Variants in GPR176 observed in about 807,000 individuals in gnomAD.
GPR176 encodes the protein G protein-coupled receptor 176.
Under a neutral mutation model 35.4 loss-of-function variants are expected in GPR176, and 26 were observed. The ratio of observed to expected loss-of-function variants is 0.74; its 90% CI spans 0.54 to 1.02. The LOEUF is 1.02. Among genes scored for constraint, GPR176 ranks in the 50% least tolerant of loss-of-function variants. The pLI, the probability that GPR176 is intolerant of heterozygous loss-of-function variation, is 0.00. For missense variants in GPR176, 597 were observed against 665.3 expected, an observed-to-expected ratio of 0.90 and a Z score of 1.13; for synonymous variants, 278 against 271.3, an observed-to-expected ratio of 1.02 and a Z score of -0.24.
At chr15:39,823,948 C>T (rs1900447898) in intron 1 of GPR176, among the ~76,000 whole-genome samples, 1 of 152,172 alleles carries the variant, frequency 6.6e-6, no homozygotes. Flanking sequence ...GATGCATGTC[C>T]TCTCCAAATC....
In GPR176 at chr15:39,837,992, T is replaced by C. The variant is rs1901509139; in HGVS notation, c.173-30734A>G. On this transcript the variant is annotated intron_variant, in intron 1 of 2. Coordinates refer to ENST00000561100, the MANE Select transcript of GPR176 (RefSeq NM_007223.3). ...CATACCAACACCCCAACTCCATTAA[T>C]TAAAAAAAAAAAAAAAAAAAAGTCA... is the stretch of plus-strand genomic sequence containing the variant. Among the ~76,000 whole-genome samples, 4 of 92,244 alleles carry C rather than the reference T, an allele frequency of 4.3e-5. No individual in the cohort carries two copies. In the South Asian group the frequency reaches 1.4e-3, roughly 33 times the overall value. 60.5% of individuals were successfully genotyped at this position (92,244 alleles called of 152,430 possible). A position where few individuals can be genotyped will look rare whatever the true frequency, so the allele number is the denominator to read the frequency against.
chr15:39,844,078 A>T (rs907139239), intron 1 of GPR176, among the ~76,000 whole-genome samples: 4 of 152,178 alleles, frequency 2.6e-5, no homozygotes, highest in Middle Eastern at 3.2e-3. Flanking sequence ...GAATAATATA[A>T]AATAAAACTC....
chr15:39,870,360 T>G (rs1008279747), intron 1 of GPR176, among the ~76,000 whole-genome samples: 6 of 152,282 alleles, frequency 3.9e-5, no homozygotes, highest in Middle Eastern at 6.8e-3. Context: ...GGGGGCCTAC[T>G]ACAGGGGGGC....
intron 1 of GPR176, among the ~76,000 whole-genome samples, chr15:39,821,651 G>A (rs1900280208): frequency 6.6e-6 from 1 of 152,118 alleles, no homozygotes; most frequent in Non-Finnish European, 1.5e-5. Flanking sequence ...TTTGTAATAG[G>A]GGTAAGAAGG....
At chr15:39,893,776 G>C (rs563349930) in intron 1 of GPR176, among the ~76,000 whole-genome samples, 19 of 125,182 alleles carry the variant, frequency 1.5e-4, no homozygotes, top group Non-Finnish European at 3.2e-4. Context: ...CTGGCCAGGC[G>C]GGGGCTGACC....
chr15:39,912,483 G>C (rs1288427442), intron 1 of GPR176, among the ~76,000 whole-genome samples: 1 of 151,890 alleles, frequency 6.6e-6, no homozygotes, highest in Non-Finnish European at 1.5e-5. Flanking sequence ...TCCAGGTGTG[G>C]TGGCATGCGC....
At chr15:39,862,737 G>T (rs275746) in intron 1 of GPR176, among the ~76,000 whole-genome samples, 1 of 152,004 alleles carries the variant, frequency 6.6e-6, no homozygotes, top group East Asian at 1.9e-4. Flanking sequence ...AAGTATAACA[G>T]GTACAATTAT....
intron 1 of GPR176, among the ~76,000 whole-genome samples, chr15:39,900,567 A>C (rs2033247880): frequency 6.6e-6 from 1 of 152,242 alleles, no homozygotes; most frequent in African/African-American, 2.4e-5. Context: ...TATTCTAACA[A>C]GAGATTTGCA....
chr15:39,815,158 C>T (rs767033531), intron 1 of GPR176, among the ~76,000 whole-genome samples: 5 of 152,078 alleles, frequency 3.3e-5, no homozygotes, highest in Non-Finnish European at 7.4e-5. Flanking sequence ...AGAGGTTTGG[C>T]CAGAGGAAAA....
At chr15:39,902,463 T>C (rs532574722) in intron 1 of GPR176, among the ~76,000 whole-genome samples, 1 of 152,344 alleles carries the variant, frequency 6.6e-6, no homozygotes, top group African/African-American at 2.4e-5. Flanking sequence ...ATCCTGCCTT[T>C]CACCTGGCAG....
At chr15:39,858,554 A>T (rs2031395068) in intron 1 of GPR176, among the ~76,000 whole-genome samples, 1 of 152,100 alleles carries the variant, frequency 6.6e-6, no homozygotes, top group African/African-American at 2.4e-5. Flanking sequence ...TGTTTTTACA[A>T]ATCAAAAAAT....
At chr15:39,900,084 C>CA (rs1463646175) in intron 1 of GPR176, among the ~76,000 whole-genome samples, 1 of 151,442 alleles carries the variant, frequency 6.6e-6, no homozygotes, top group Admixed American at 6.6e-5. Context: ...CAAGTTGATA[C>CA]AAAAAATTAA....
chr15:39,833,112 T>G (rs1235809981), intron 1 of GPR176, among the ~76,000 whole-genome samples: 1 of 152,090 alleles, frequency 6.6e-6, no homozygotes, highest in Non-Finnish European at 1.5e-5. Context: ...GGAGCATTAT[T>G]CTGCTGCCTC....
intron 1 of GPR176, among the ~76,000 whole-genome samples, chr15:39,912,552 A>G (rs1038074708): frequency 6.6e-6 from 1 of 150,496 alleles, no homozygotes; most frequent in African/African-American, 2.5e-5. Context: ...TGAGAGGTTG[A>G]GGCTGCAACG....
At chr15:39,853,068 C>T (rs1025660533) in intron 1 of GPR176, among the ~76,000 whole-genome samples, 1 of 152,036 alleles carries the variant, frequency 6.6e-6, no homozygotes, top group Admixed American at 6.6e-5. Context: ...TTTTTGGGTA[C>T]ATATACAAAA....
intron 1 of GPR176, among the ~76,000 whole-genome samples, chr15:39,884,097 C>T (rs2032582766): frequency 6.6e-6 from 1 of 152,222 alleles, no homozygotes; most frequent in Non-Finnish European, 1.5e-5. Context: ...ACAGAGCTTA[C>T]CTGTGGGTTG....
At chr15:39,819,830 G>A (rs186977800) in intron 1 of GPR176, among the ~76,000 whole-genome samples, 11 of 152,222 alleles carry the variant, frequency 7.2e-5, no homozygotes, top group Admixed American at 2.6e-4. Context: ...GAGCCTGATC[G>A]TGCTTCAGTC....
intron 1 of GPR176, among the ~76,000 whole-genome samples, chr15:39,847,901 C>T (rs1354883925): frequency 1.3e-5 from 2 of 152,076 alleles, no homozygotes; most frequent in African/African-American, 2.4e-5. Flanking sequence ...GCTGTACAGG[C>T]TTCTGCTTCT....
chr15:39,840,679 A>G (rs980813999), intron 1 of GPR176, among the ~76,000 whole-genome samples: 7 of 152,192 alleles, frequency 4.6e-5, no homozygotes, highest in Admixed American at 2.0e-4. Context: ...GACATTGTCA[A>G]TGTAAGAACC....
Sources: allele counts gnomAD v4.1 joint callset (sites outside exome capture counted in the v4.1 genomes callset), GRCh38; gene constraint gnomAD v4.1.1; transcripts MANE v1.5; gene names NCBI Gene and HGNC (gene_info 2026-07-23, HGNC 2026-07-21).